MYL1: variants seen among roughly 807,000 people sequenced by gnomAD.
MYL1 encodes myosin light chain 1/3, skeletal muscle isoform.
A neutral mutation model predicts 21.8 loss-of-function variants in MYL1; 16 were observed. The observed-to-expected ratio is 0.74, with a 90% CI of 0.50 to 1.12. The LOEUF is 1.12. MYL1 is among the 50% of genes most tolerant of loss of function. The pLI is 0.00. For synonymous variants in MYL1, 99 were observed against 85.2 expected (o/e 1.16, Z -0.89); for missense variants, 246 against 241.0 (o/e 1.02, Z -0.14).
Position 210,290,372 on chromosome 2 carries a change from C to T in MYL1, c.*110G>A, listed in dbSNP as rs1378242541. The stretch of plus-strand genomic sequence containing the variant: ...GCTCAGTCTTGAACCGTCCAGATTG[C>T]TTTGTTTTCCTGAATGATGGTAAAC... On this transcript the variant is annotated 3_prime_UTR_variant, in exon 7 of 7. Coordinates refer to ENST00000352451, the MANE Select transcript of MYL1 (RefSeq NM_079420.3). The T allele has an allele frequency of 6.6e-6, 1 of 152,106 alleles. No individual in the cohort carries two copies. The highest frequency in any genetic ancestry group is 1.5e-5 in the Non-Finnish European group (1 of 68,018). 9.4% of individuals were successfully genotyped at this position (152,106 alleles called of 1,614,324 possible).
rs551571994 is a variant in MYL1, at chr2:210,307,936, G to A, written c.133-5421C>T. Among the ~76,000 whole-genome samples, 3 of 152,208 alleles carry A rather than the reference G, an allele frequency of 2.0e-5. No homozygotes were observed. The South Asian group carries it at 6.2e-4, about 32-fold the overall frequency. On this transcript the variant is annotated intron_variant, in intron 1 of 6. Transcript: ENST00000352451. ...AAACGCTGTTAATCAAACAGGCTCT[G>A]GAACTGATGTAGGTTAAGCCTTAGT... is the stretch of plus-strand genomic sequence containing the variant.
Position 210,291,051 on chromosome 2 carries a change from T to A in MYL1, c.580A>T (p.Ile194Phe), listed in dbSNP as rs780245631. The A allele has an allele frequency of 1.9e-6, 3 of 1,608,976 alleles. No individual in the cohort carries two copies. The highest frequency in any genetic ancestry group is 1.7e-6 in the Non-Finnish European group (2 of 1,176,088). ...YEAFVKHIMS[I>F] is the part of the protein sequence containing the mutation. ...ATATACCTTGAGAGCTCCATTCAGA[T>A]AGACATGATGTGCTTGACAAAAGCT... The change falls in exon 6 of 7, where the codon ATC becomes TTC. Residue 194 changes from isoleucine to phenylalanine, a missense_variant. Coordinates refer to ENST00000352451, the MANE Select transcript of MYL1 (RefSeq NM_079420.3).
intron 5 of MYL1, 60 bp downstream of exon 5, chr2:210,293,663 G>C: frequency 2.2e-6 from 3 of 1,385,492 alleles, no homozygotes; most frequent in South Asian, 1.2e-5. Flanking sequence ...CTCAAAAGGA[G>C]CCCATCATCA....
chr2:210,309,113 G>A (rs1305693490), intron 1 of MYL1, among the ~76,000 whole-genome samples: 1 of 152,000 alleles, frequency 6.6e-6, no homozygotes, highest in Non-Finnish European at 1.5e-5. Flanking sequence ...TTCTTCAGTA[G>A]AAAATATTCT....
intron 1 of MYL1, among the ~76,000 whole-genome samples, chr2:210,303,337 A>G (rs931723707): frequency 6.6e-6 from 1 of 152,094 alleles, no homozygotes; most frequent in Non-Finnish European, 1.5e-5. Context: ...CTCTTGGAAG[A>G]TGTATTTTTC....
intron 1 of MYL1, chr2:210,303,600 G>A (rs941630348): frequency 1.9e-5 from 30 of 1,598,970 alleles, no homozygotes; most frequent in Non-Finnish European, 2.5e-5. Flanking sequence ...GTTGAGGGCT[G>A]CTCCGGTCCC....
At chr2:210,291,338 G>A (rs1690072649) in intron 5 of MYL1, among the ~76,000 whole-genome samples, 1 of 152,052 alleles carries the variant, frequency 6.6e-6, no homozygotes, top group Admixed American at 6.6e-5. Flanking sequence ...GTGTTGTCAA[G>A]GCTTGACTCA....
chr2:210,302,350 T>C, intron 2 of MYL1, 138 bp downstream of exon 2: 1 of 685,858 alleles, frequency 1.5e-6, no homozygotes. Context: ...TTTAGAGTGA[T>C]CGAGAGCAAT....
chr2:210,303,275 A>G (rs1450458166), intron 1 of MYL1, among the ~76,000 whole-genome samples: 1 of 152,168 alleles, frequency 6.6e-6, no homozygotes, highest in Non-Finnish European at 1.5e-5. Context: ...CTAAATTTAG[A>G]TATAATGAAT....
rs773635355 is a variant in MYL1 at position 210,294,269 on chromosome 2, G to C, written c.454C>G (p.Leu152Val). The change falls in exon 4 of 7, where the codon CTC (leucine) becomes GTC (valine). Residue 152 changes from leucine (L) to valine (V), a missense_variant. Transcript: ENST00000352451. ...CCCAGGGTGGCTAGAACATGGCGGAGTTCAGCACCCATGACTGTGCCATTG... is the reference window on the plus strand; with the variant it reads ...CCCAGGGTGGCTAGAACATGGCGGACTTCAGCACCCATGACTGTGCCATTG... Reference protein sequence around the residue: ...EGNGTVMGAELRHVLATLGEK... With the variant: ...EGNGTVMGAEVRHVLATLGEK... 6.2e-7 allele frequency: 1 copy of C among 1,613,642 alleles called. No individual in the cohort carries two copies. The highest frequency in any genetic ancestry group is 8.5e-7 in the Non-Finnish European group (1 of 1,179,800).
intron 3 of MYL1, among the ~76,000 whole-genome samples, chr2:210,296,943 T>G (rs952015461): frequency 1.3e-5 from 2 of 151,682 alleles, no homozygotes; most frequent in African/African-American, 4.8e-5. Flanking sequence ...CTCATCCATC[T>G]TGCAGCAAAT....
chr2:210,303,402 A>C, intron 1 of MYL1: 1 of 643,624 alleles, frequency 1.6e-6, no homozygotes, highest in South Asian at 3.0e-5. Context: ...TCTCAACAAA[A>C]CCCAAAAGTA....
At chr2:210,301,536 C>A (rs779908951) in intron 2 of MYL1, among the ~76,000 whole-genome samples, 2 of 151,866 alleles carry the variant, frequency 1.3e-5, no homozygotes, top group Non-Finnish European at 2.9e-5. Flanking sequence ...GTAATATAGA[C>A]ATACTACTTA....
At chr2:210,298,306 T>TCACA (rs1177071924) in intron 3 of MYL1, 114 bp downstream of exon 3, 4 of 1,125,120 alleles carry the variant, frequency 3.6e-6, no homozygotes, top group Non-Finnish European at 5.0e-6. Context: ...TTTCTCTCTC[T>TCACA]CACACACACA....
At chr2:210,293,331 T>C (rs1192622547) in intron 5 of MYL1, among the ~76,000 whole-genome samples, 2 of 152,164 alleles carry the variant, frequency 1.3e-5, no homozygotes, top group Non-Finnish European at 2.9e-5. Context: ...TGATTTGACC[T>C]TCACCAAGTA....
rs182212038 is a variant in MYL1, at chr2:210,293,471, T to C, written c.556+252A>G. Among the ~76,000 whole-genome samples, 20 of 152,366 alleles carry C rather than the reference T, an allele frequency of 1.3e-4. 1 individual carries two copies. Among genetic ancestry groups the C allele is most frequent in the Admixed American group, 1.2e-3 (18 of 15,296 alleles). On this transcript the variant is annotated intron_variant, in intron 5 of 6. Transcript: ENST00000352451. Reference sequence around the variant, plus strand: ...ATCAGCCCTGTCTAACTCATAGGGATGTTCTGAAGATCTAACAAAAAATAT... The same window carrying C: ...ATCAGCCCTGTCTAACTCATAGGGACGTTCTGAAGATCTAACAAAAAATAT...
chr2:210,310,334 T>A (rs1162686564), intron 1 of MYL1, among the ~76,000 whole-genome samples: 1 of 152,054 alleles, frequency 6.6e-6, no homozygotes, highest in Non-Finnish European at 1.5e-5. Context: ...ATTGTACATG[T>A]GGCATTGTAT....
At chr2:210,305,698 C>A (rs1003032099) in intron 1 of MYL1, among the ~76,000 whole-genome samples, 1 of 151,974 alleles carries the variant, frequency 6.6e-6, no homozygotes, top group Non-Finnish European at 1.5e-5. Context: ...AAAAAAGTGT[C>A]CTTGCCTAGA....
At chr2:210,300,162 G>A (rs947558163) in intron 2 of MYL1, among the ~76,000 whole-genome samples, 1 of 152,100 alleles carries the variant, frequency 6.6e-6, no homozygotes, top group African/African-American at 2.4e-5. Context: ...GGCTTTCATG[G>A]ACAGACTGCT....
Sources: gnomAD v4.1 joint callset for allele counts (sites outside exome capture counted in the v4.1 genomes callset) on GRCh38, gnomAD v4.1.1 for gene constraint, MANE v1.5 for transcripts, NCBI Gene and HGNC (gene_info 2026-07-23, HGNC 2026-07-21) for gene names.